Variants in NPR1 observed in about 807,000 individuals in gnomAD.
The protein encoded by NPR1 is atrial natriuretic peptide receptor 1.
NPR1 carries 57 observed loss-of-function variants against 116.9 expected under a neutral mutation model. The ratio of observed to expected loss-of-function variants is 0.49; its 90% CI spans 0.39 to 0.61. The LOEUF is 0.61. Ranked by LOEUF, NPR1 falls within the 20% of genes least tolerant of loss-of-function variation. The pLI, the probability that NPR1 is intolerant of heterozygous loss-of-function variation, is 0.00. For missense variants in NPR1, 1,096 were observed against 1,409.8 expected (o/e 0.78, Z 3.56); for synonymous variants, 555 against 601.6 (o/e 0.92, Z 1.13).
Position 153,693,722 on chromosome 1 carries a change from C to CT in NPR1, c.*309dup. On this transcript the variant is annotated 3_prime_UTR_variant, in exon 22 of 22. Transcript: ENST00000368680. ...GGCTGTGGATTCCTGATCCCCTCCC[C>CT]TCCCCATGCTCTCCTCCCTCAGCCT... 2.5e-6 allele frequency: 1 copy of CT among 406,714 alleles called. No homozygotes were observed. The highest frequency in any genetic ancestry group is 4.4e-5 in the Admixed American group (1 of 22,856). The allele number at this position is 406,714 out of a possible 1,614,324, so 25.2% of individuals were successfully genotyped here.
At chr1:153,683,277 T>C in intron 5 of NPR1, 99 bp from the exon 6 acceptor site, 1 of 1,401,290 alleles carries the variant, frequency 7.1e-7, no homozygotes, top group South Asian at 1.4e-5. Flanking sequence ...ATGTAGGCTC[T>C]AGAAGCAGAG....
chr1:153,679,742 A>T lies in NPR1; in HGVS notation c.634A>T (p.Asn212Tyr). 1 of 1,598,112 alleles carries T rather than the reference A, an allele frequency of 6.3e-7. No homozygotes were observed. Among genetic ancestry groups the T allele is most frequent in the Non-Finnish European group, 8.5e-7 (1 of 1,175,290 alleles). The change falls in exon 1 of 22, where the codon AAT becomes TAT. Residue 212 changes from asparagine to tyrosine, a missense_variant. Coordinates refer to ENST00000368680, the MANE Select transcript of NPR1 (RefSeq NM_000906.4). This position sits in a 1 kb window ranked among gnomAD's most constrained non-coding sequence, Gnocchi z 4.2. ...GLFMRVRDRL[N>Y]ITVDHLEFAE... is the part of the protein sequence containing the mutation. ...GTTCATGCGGGTCCGCGACCGCCTCAATATTACGGTGGACCACCTGGAGTT... is the reference window on the plus strand; with the variant it reads ...GTTCATGCGGGTCCGCGACCGCCTCTATATTACGGTGGACCACCTGGAGTT...
rs748434429 is a variant in NPR1 at position 153,681,686 on chromosome 1, C to G, written c.1036-18C>G. 1 of 1,611,172 alleles carries G rather than the reference C, an allele frequency of 6.2e-7. No individual in the cohort carries two copies. The highest frequency in any genetic ancestry group is 1.1e-5 in the South Asian group (1 of 90,912). On this transcript the variant is annotated intron_variant, in intron 3 of 21. Transcript: ENST00000368680. ...CCTTCATATGCCCACCCCAGCCGAC[C>G]TCTGTTTGCCCCTACAGGTGAACAC...
At chr1:153,685,952 G>A in intron 9 of NPR1, 72 bp downstream of exon 9, 3 of 1,487,692 alleles carry the variant, frequency 2.0e-6, no homozygotes, top group South Asian at 2.3e-5. Context: ...ACTGGTGGGG[G>A]GTTCTGAGGG....
At chr1:153,681,676 C>T (rs1252670649) in intron 3 of NPR1, 28 bp from the exon 4 acceptor site, 20 of 1,609,234 alleles carry the variant, frequency 1.2e-5, no homozygotes, top group African/African-American at 1.1e-4. Context: ...ATATGCCCAC[C>T]CCAGCCGACC....
chr1:153,684,386 C>CTTTTTTTTTTTT (rs58272090), intron 7 of NPR1, among the ~76,000 whole-genome samples: 11 of 88,978 alleles, frequency 1.2e-4, no homozygotes, highest in Non-Finnish European at 1.5e-4. Flanking sequence ...TTCTTTCTTT[C>CTTTTTTTTTTTT]TTTTTTTTTT....
At chr1:153,683,183 C>T (rs1169046896) in intron 5 of NPR1, among the ~76,000 whole-genome samples, 193 bp from the exon 6 acceptor site, 1 of 151,978 alleles carries the variant, frequency 6.6e-6, no homozygotes, top group Non-Finnish European at 1.5e-5. Flanking sequence ...TCAGGTGTTT[C>T]CACTTGAGTA....
intron 15 of NPR1, 58 bp from the exon 16 acceptor site, chr1:153,688,895 T>C: frequency 1.3e-6 from 2 of 1,577,526 alleles, no homozygotes; most frequent in Non-Finnish European, 1.7e-6. Context: ...GGGCGGGCGC[T>C]CACGGTAGGC....
At position 153,693,940 on chromosome 1, in the gene NPR1, G is replaced by A. The variant is rs2101743680; in HGVS notation, c.*526G>A. On this transcript the variant is annotated 3_prime_UTR_variant, in exon 22 of 22. Coordinates refer to ENST00000368680, the MANE Select transcript of NPR1 (RefSeq NM_000906.4). ...GGTGGCGCAGAAGGGTTGGGGGCCT[G>A]TATGCCTTGCTTCTACCATGAGCAG... The A allele has an allele frequency of 7.6e-6, 3 of 397,080 alleles. No individual in the cohort carries two copies. Among genetic ancestry groups the A allele is most frequent in the Non-Finnish European group, 1.3e-5 (3 of 225,674 alleles). 24.6% of individuals were successfully genotyped at this position (397,080 alleles called of 1,614,324 possible).
chr1:153,686,969 C>G, intron 11 of NPR1, 47 bp from the exon 12 acceptor site: 1 of 1,599,430 alleles, frequency 6.3e-7, no homozygotes, highest in Non-Finnish European at 8.6e-7. Flanking sequence ...CCTCCAACTC[C>G]CAGGGGGATC....
At chr1:153,688,455 C>T (rs1217932815) in intron 15 of NPR1, among the ~76,000 whole-genome samples, 1 of 152,180 alleles carries the variant, frequency 6.6e-6, no homozygotes, top group Non-Finnish European at 1.5e-5. Context: ...CATCGACACC[C>T]CACACCCTTC....
In NPR1 at chr1:153,687,799, G is replaced by GCACACCTT; in HGVS notation, c.2248+12_2248+19dup. ...GACCTGAGCCCCAAAGGTGAGAGGAGCACACCTTCCTTAAACCCAGCCACA... is the reference window on the plus strand; with the variant it reads ...GACCTGAGCCCCAAAGGTGAGAGGAGCACACCTTCACACCTTCCTTAAACCCAGCCACA... On this transcript the variant is annotated intron_variant, in intron 14 of 21. Coordinates refer to ENST00000368680, the MANE Select transcript of NPR1 (RefSeq NM_000906.4). 1.3e-6 allele frequency: 2 copies of GCACACCTT among 1,568,978 alleles called. No individual in the cohort carries two copies. Among genetic ancestry groups the GCACACCTT allele is most frequent in the Non-Finnish European group, 1.7e-6 (2 of 1,152,124 alleles).
Position 153,686,701 on chromosome 1 carries a change from C to T in NPR1, c.1814C>T (p.Pro605Leu), listed in dbSNP as rs1329379492. ...AGGTTTGTGGGAGCCTGCACCGACC[C>T]CCCCAATATCTGCATCCTCACAGAG... ...LTRFVGACTDPPNICILTEYC... is the reference protein window; with the variant it reads ...LTRFVGACTDLPNICILTEYC... Residue 605 changes from proline (P) to leucine (L), a missense_variant, in exon 11 of 22, where the codon CCC (proline) becomes CTC (leucine). By Grantham distance (98) the Pro-to-Leu change is moderately conservative. Coordinates refer to ENST00000368680, the MANE Select transcript of NPR1 (RefSeq NM_000906.4). 3 of 1,613,786 alleles carry T rather than the reference C, an allele frequency of 1.9e-6. No homozygotes were observed. Among genetic ancestry groups the T allele is most frequent in the Non-Finnish European group, 2.5e-6 (3 of 1,179,908 alleles).
chr1:153,684,274 A>G (rs1669864505), intron 7 of NPR1, among the ~76,000 whole-genome samples: 1 of 152,046 alleles, frequency 6.6e-6, no homozygotes. Context: ...GCTAAAATGA[A>G]GTACAGGAGG....
In NPR1 at chr1:153,679,468, C is replaced by G. The variant is rs1043111466; in HGVS notation, c.360C>G (p.Tyr120Ter). The change falls in exon 1 of 22, where the codon TAC becomes TAG. Residue 120 changes from tyrosine to a stop codon, truncating the protein, a stop_gained. Coordinates refer to ENST00000368680, the MANE Select transcript of NPR1 (RefSeq NM_000906.4). LOFTEE classifies it high-confidence loss of function. The surrounding 1 kb of genome is among the most constrained non-coding windows in gnomAD (Gnocchi z 4.2). ...TGTTCCTGGGCCCCGGCTGCGTGTA[C>G]GCCGCCGCCCCAGTGGGGCGCTTCA... ...PAVFLGPGCVYAAAPVGRFTA... is the reference protein window; with the variant it reads ...PAVFLGPGCV The G allele has an allele frequency of 6.5e-7, 1 of 1,540,744 alleles. No individual in the cohort carries two copies. The highest frequency in any genetic ancestry group is 1.4e-5 in the African/African-American group (1 of 72,978).
Position 153,683,792 on chromosome 1 carries a change from C to T in NPR1, c.1452C>T (p.Leu484=), listed in dbSNP as rs755193080. ...CTTTGGTGGGCAGCCTCTCCTTGCT[C>T]GGCATTCTGATTGTCTCCTTCTTCA... ...VLALVGSLSL[L]GILIVSFFIY... is the part of the protein sequence containing the mutation. The change falls in exon 7 of 22, where the codon CTC becomes CTT. Residue 484 remains leucine, a synonymous_variant. Coordinates refer to ENST00000368680, the MANE Select transcript of NPR1 (RefSeq NM_000906.4). The T allele has an allele frequency of 6.8e-5, 110 of 1,613,912 alleles. No individual in the cohort carries two copies. The highest frequency in any genetic ancestry group is 8.2e-5 in the Non-Finnish European group (97 of 1,180,028).
At chr1:153,681,033 TC>T in intron 2 of NPR1, 146 bp from the exon 3 acceptor site, 1 of 623,060 alleles carries the variant, frequency 1.6e-6, no homozygotes, top group Non-Finnish European at 2.9e-6. Context: ...GGAATGGGCA[TC>T]ACTTCATGCA....
chr1:153,687,544 T>C, intron 13 of NPR1, 90 bp from the exon 14 acceptor site: 1 of 1,503,062 alleles, frequency 6.7e-7, no homozygotes. Context: ...CTGTGATGCA[T>C]CCAGATCAGT....
At chr1:153,685,310 T>A (rs1170181038) in intron 8 of NPR1, among the ~76,000 whole-genome samples, 1 of 151,410 alleles carries the variant, frequency 6.6e-6, no homozygotes, top group Non-Finnish European at 1.5e-5. Context: ...AGATAGTACC[T>A]GTGAAAACAC....
Sources: allele counts gnomAD v4.1 joint callset (sites outside exome capture counted in the v4.1 genomes callset), GRCh38; gene constraint gnomAD v4.1.1; non-coding constraint Gnocchi (gnomAD v3.1); transcripts MANE v1.5; gene names NCBI Gene and HGNC (gene_info 2026-07-23, HGNC 2026-07-21).